Variants in HECW1 observed in about 807,000 individuals in gnomAD.
The protein encoded by HECW1 is HECT, C2 and WW domain containing E3 ubiquitin protein ligase 1.
A neutral mutation model predicts 182.3 loss-of-function variants in HECW1; 61 were observed. That is an observed-to-expected ratio of 0.33 (90% CI 0.27 to 0.41). HECW1 has a LOEUF of 0.41. HECW1 is among the 10% of genes least tolerant of loss of function. The pLI is 1.00. For synonymous variants in HECW1, 859 were observed against 832.6 expected (o/e 1.03, Z -0.55); for missense variants, 1,739 against 2,108.9 (o/e 0.82, Z 3.44).
intron 8 of HECW1, 78 bp downstream of exon 8, chr7:43,407,809 C>G (rs2075661213): frequency 2.3e-6 from 3 of 1,297,314 alleles, no homozygotes; most frequent in Non-Finnish European, 2.2e-6. Flanking sequence ...CTCCTTCCCT[C>G]CATTCATGGA....
intron 29 of HECW1, among the ~76,000 whole-genome samples, chr7:43,555,907 T>A: frequency 1.8e-5 from 1 of 54,512 alleles, no homozygotes; most frequent in African/African-American, 1.4e-4. Context: ...ATTTGTTAAG[T>A]TGAATGATGA....
chr7:43,473,907 T>C (rs1470194405), intron 16 of HECW1, among the ~76,000 whole-genome samples: 1 of 151,772 alleles, frequency 6.6e-6, no homozygotes, highest in Non-Finnish European at 1.5e-5. Flanking sequence ...AACAAGTAAG[T>C]AAGTAAAGTA....
intron 3 of HECW1, chr7:43,274,588 G>C (rs1802850924): frequency 6.4e-6 from 3 of 467,170 alleles, no homozygotes; most frequent in South Asian, 1.8e-5. Context: ...TTTAGGTGCA[G>C]GTTCCTCGCC....
chr7:43,434,378 CT>C (rs2076645683), intron 8 of HECW1, among the ~76,000 whole-genome samples: 1 of 152,202 alleles, frequency 6.6e-6, no homozygotes, highest in African/African-American at 2.4e-5. Flanking sequence ...CGTGGGCCTT[CT>C]TTTCCCATTC....
In HECW1 at chr7:43,470,615, C is replaced by T. The variant is rs62458254; in HGVS notation, c.3099+1510C>T. ...GGAATGCATATGAGGGAATTTCTGA[C>T]AAGACCTCTTCCCCCTAATTCTCTT... is the stretch of plus-strand genomic sequence containing the variant. On this transcript the variant is annotated intron_variant, in intron 16 of 29. Coordinates refer to ENST00000395891, the MANE Select transcript of HECW1 (RefSeq NM_015052.5). Among the ~76,000 whole-genome samples, 532 of 152,292 alleles carry T rather than the reference C, an allele frequency of 3.5e-3. 1 individual carries two copies. Among genetic ancestry groups the T allele is most frequent in the South Asian group, 8.9e-3 (43 of 4,828 alleles).
intron 26 of HECW1, among the ~76,000 whole-genome samples, chr7:43,543,595 A>G (rs2081440653): frequency 6.6e-6 from 1 of 152,188 alleles, no homozygotes; most frequent in African/African-American, 2.4e-5. Flanking sequence ...CCTGACCAAC[A>G]TGGTGAAACC....
intron 2 of HECW1, among the ~76,000 whole-genome samples, chr7:43,207,204 GC>G (rs1187560102): frequency 6.6e-6 from 1 of 152,010 alleles, no homozygotes; most frequent in Non-Finnish European, 1.5e-5. Context: ...ATGCCACCAT[GC>G]CTGGCTAATT....
intron 3 of HECW1, among the ~76,000 whole-genome samples, chr7:43,285,654 T>A (rs1157053836): frequency 2.0e-5 from 3 of 152,150 alleles, no homozygotes; most frequent in Admixed American, 6.6e-5. Context: ...TATTAAAAAA[T>A]TTTTAAAAAT....
In HECW1 at chr7:43,560,163, A is replaced by G. The variant is rs4724224; in HGVS notation, c.4710-1652A>G. Among the ~76,000 whole-genome samples the G allele has an allele frequency of 1.0e-2, 1,520 of 152,330 alleles. 71 individuals are homozygous for G. Among genetic ancestry groups the G allele is most frequent in the Admixed American group, 0.072 (1,101 of 15,292 alleles). On this transcript the variant is annotated intron_variant, in intron 29 of 29. Coordinates refer to ENST00000395891, the MANE Select transcript of HECW1 (RefSeq NM_015052.5). ...TTCACCCCACTTCGCCTGTTTAGCC[A>G]TAGCCCAATGTATGTTCTAGTTTCA...
At chr7:43,263,951 C>A (rs904898418) in intron 3 of HECW1, among the ~76,000 whole-genome samples, 17 of 152,200 alleles carry the variant, frequency 1.1e-4, no homozygotes, top group African/African-American at 4.1e-4. Flanking sequence ...AAAAATTTTA[C>A]TTGACAAATA....
intron 2 of HECW1, among the ~76,000 whole-genome samples, chr7:43,128,445 A>G (rs1191080711): frequency 6.6e-6 from 1 of 152,224 alleles, no homozygotes; most frequent in East Asian, 1.9e-4. Context: ...ATGGCAGCAC[A>G]TCTGTTTATA....
intron 5 of HECW1, among the ~76,000 whole-genome samples, chr7:43,350,288 C>G (rs1814261032): frequency 6.6e-6 from 1 of 152,048 alleles, no homozygotes; most frequent in South Asian, 2.1e-4. Context: ...ATCTCACAGA[C>G]CTTAAGATTC....
intron 7 of HECW1, among the ~76,000 whole-genome samples, chr7:43,406,448 T>C (rs780452658): frequency 3.3e-5 from 5 of 152,178 alleles, no homozygotes; most frequent in Non-Finnish European, 5.9e-5. Flanking sequence ...TTTAAATAAG[T>C]GCATATGAAA....
At chr7:43,548,405 A>G (rs2081656745) in intron 26 of HECW1, among the ~76,000 whole-genome samples, 1 of 152,218 alleles carries the variant, frequency 6.6e-6, no homozygotes, top group Non-Finnish European at 1.5e-5. Context: ...CACGCTGCTC[A>G]AGGGTCAGCC....
intron 5 of HECW1, among the ~76,000 whole-genome samples, chr7:43,321,250 C>T (rs1156519517): frequency 6.6e-6 from 1 of 152,196 alleles, no homozygotes; most frequent in Non-Finnish European, 1.5e-5. Flanking sequence ...ATTGGTACTA[C>T]CAGCCTGTTT....
intron 3 of HECW1, among the ~76,000 whole-genome samples, chr7:43,295,662 G>C (rs1475812162): frequency 6.6e-6 from 1 of 152,212 alleles, no homozygotes; most frequent in African/African-American, 2.4e-5. Flanking sequence ...GGTGGCGGCA[G>C]TGGAACATCT....
rs904068211 is a variant in HECW1 at position 43,438,162 on chromosome 7, G to A, written c.944+17G>A. ...CGCCATAGGGTAAACCTGTGACTGA[G>A]ATCTTACTATCACTAGGTTCCCACC... On this transcript the variant is annotated intron_variant, in intron 9 of 29. Coordinates refer to ENST00000395891, the MANE Select transcript of HECW1 (RefSeq NM_015052.5). 1.9e-6 allele frequency: 3 copies of A among 1,607,170 alleles called. No individual in the cohort carries two copies. The highest frequency in any genetic ancestry group is 2.6e-6 in the Non-Finnish European group (3 of 1,174,956).
intron 17 of HECW1, among the ~76,000 whole-genome samples, chr7:43,482,048 CCAT>C (rs2078458337): frequency 6.6e-6 from 1 of 151,870 alleles, no homozygotes; most frequent in Non-Finnish European, 1.5e-5. Flanking sequence ...TGTGTACCAG[CCAT>C]CTGTCTGCTT....
At position 43,164,888 on chromosome 7, in the gene HECW1, A is replaced by C. The variant is rs186152976; in HGVS notation, c.-32+50497A>C. Reference sequence around the variant, plus strand: ...GTCCTGCACTCTGCAGGTCATCATAACACAAGCTCATTCATCAGCGAGTGT... The same window carrying C: ...GTCCTGCACTCTGCAGGTCATCATACCACAAGCTCATTCATCAGCGAGTGT... On this transcript the variant is annotated intron_variant, in intron 2 of 29. Coordinates refer to ENST00000395891, the MANE Select transcript of HECW1 (RefSeq NM_015052.5). 2.0e-5 allele frequency among the ~76,000 whole-genome samples: 3 copies of C among 152,376 alleles called. No individual in the cohort carries two copies. In the East Asian group the frequency reaches 5.8e-4, roughly 29 times the overall value.
Sources: gnomAD v4.1 joint callset for allele counts (sites outside exome capture counted in the v4.1 genomes callset) on GRCh38, gnomAD v4.1.1 for gene constraint, MANE v1.5 for transcripts, NCBI Gene and HGNC (gene_info 2026-07-23, HGNC 2026-07-21) for gene names.